Variants in SLC8A1 observed in about 807,000 individuals in gnomAD.
The protein encoded by SLC8A1 is sodium/calcium exchanger 1.
A neutral mutation model predicts 68.3 loss-of-function variants in SLC8A1; 18 were observed. The observed-to-expected ratio is 0.26, with a 90% confidence interval of 0.18 to 0.39. The LOEUF (loss-of-function observed/expected upper bound fraction) is 0.39, where lower values mean the gene tolerates loss of function less well. Ranked by LOEUF, SLC8A1 falls within the 10% of genes least tolerant of loss-of-function variation. The pLI is 1.00. For synonymous variants in SLC8A1, 475 were observed against 415.5 expected (o/e 1.14, Z -1.74); for missense variants, 985 against 1,156.7 (o/e 0.85, Z 2.15).
At chr2:40,158,478 G>A (rs1311557126) in intron 6 of SLC8A1, among the ~76,000 whole-genome samples, 4 of 152,100 alleles carry the variant, frequency 2.6e-5, no homozygotes, top group Non-Finnish European at 4.4e-5. Context: ...ATTTCCAAGC[G>A]GTCATTTAGA....
At position 40,317,021 on chromosome 2, in the gene SLC8A1, GGAGT is replaced by G. The variant is rs1312687837; in HGVS notation, c.1808+111448_1808+111451del. On this transcript the variant is annotated intron_variant, in intron 2 of 7. Transcript: ENST00000406785. ...ATTTTTCTACTTTGTTCACTCATAC[GGAGT>G]AAGTGCTCAAAAATTGTGTTAAACT... Among the ~76,000 whole-genome samples, 4 of 152,056 alleles carry G rather than the reference GGAGT, an allele frequency of 2.6e-5. No individual in the cohort carries two copies. The South Asian group carries it at 8.3e-4, about 32-fold the overall frequency.
At chr2:40,194,506 T>TGTGTGTGTGTGCGC (rs963279052) in intron 2 of SLC8A1, among the ~76,000 whole-genome samples, 19 of 131,932 alleles carry the variant, frequency 1.4e-4, no homozygotes, top group African/African-American at 5.1e-4. Flanking sequence ...TGTGTGTGTG[T>TGTGTGTGTGTGCGC]GCGCGCGCAA....
At chr2:40,284,669 T>TATATAA (rs994227529) in intron 2 of SLC8A1, among the ~76,000 whole-genome samples, 7 of 149,724 alleles carry the variant, frequency 4.7e-5, no homozygotes, top group African/African-American at 1.7e-4. Flanking sequence ...TAAATATATA[T>TATATAA]ATACACACAC....
intron 2 of SLC8A1, among the ~76,000 whole-genome samples, chr2:40,290,737 C>G (rs2069159888): frequency 6.6e-6 from 1 of 152,088 alleles, no homozygotes; most frequent in Non-Finnish European, 1.5e-5. Flanking sequence ...ATTACTACAG[C>G]TATAATAATG....
chr2:40,237,617 T>G (rs2060576659), intron 2 of SLC8A1, among the ~76,000 whole-genome samples: 1 of 152,166 alleles, frequency 6.6e-6, no homozygotes, highest in Admixed American at 6.5e-5. Context: ...TCAAAGTCAT[T>G]CTCCATCCAG....
chr2:40,284,418 G>GATCTATAT (rs926994780), intron 2 of SLC8A1, among the ~76,000 whole-genome samples: 1 of 144,062 alleles, frequency 6.9e-6, no homozygotes. Context: ...TATATAGAGA[G>GATCTATAT]ATCTATATAT....
At chr2:40,441,017 T>C (rs1700369484) in intron 1 of SLC8A1, among the ~76,000 whole-genome samples, 2 of 152,292 alleles carry the variant, frequency 1.3e-5, no homozygotes, top group African/African-American at 2.4e-5. Context: ...CATAATTCTA[T>C]ATTTAGAAAA....
intron 2 of SLC8A1, among the ~76,000 whole-genome samples, chr2:40,278,811 T>G (rs1000080161): frequency 9.2e-5 from 14 of 152,176 alleles, no homozygotes; most frequent in African/African-American, 3.4e-4. Context: ...CCACTTGACA[T>G]CTAAACTCTT....
rs146781162 is a variant in SLC8A1, at chr2:40,349,394, G to A, written c.1808+79079C>T. Among the ~76,000 whole-genome samples the A allele has an allele frequency of 9.2e-5, 14 of 152,280 alleles. No homozygotes were observed. In the East Asian group the frequency reaches 2.7e-3, roughly 29 times the overall value. On this transcript the variant is annotated intron_variant, in intron 2 of 7. Transcript: ENST00000406785. ...TGATTTAAGGATTTCTGTGGAAAAT[G>A]TTATTTCAAAAAAATACTTCTGAGG...
intron 1 of SLC8A1, among the ~76,000 whole-genome samples, chr2:40,472,928 T>G (rs1433368480): frequency 2.0e-5 from 3 of 152,146 alleles, no homozygotes; most frequent in African/African-American, 7.2e-5. Flanking sequence ...CTCTAGAGAC[T>G]GTCAAGTTTA....
chr2:40,511,705 C>A (rs1706736467), intron 1 of SLC8A1, among the ~76,000 whole-genome samples: 1 of 151,994 alleles, frequency 6.6e-6, no homozygotes, highest in Admixed American at 6.6e-5. Flanking sequence ...AGAAAGAAGA[C>A]AAAATTTTAA....
intron 2 of SLC8A1, among the ~76,000 whole-genome samples, chr2:40,361,786 A>G (rs1426047775): frequency 2.0e-5 from 3 of 151,878 alleles, no homozygotes; most frequent in East Asian, 3.9e-4. Context: ...TCTAATATAA[A>G]TGAGAAATAA....
intron 2 of SLC8A1, among the ~76,000 whole-genome samples, chr2:40,399,779 T>G (rs1009579649): frequency 6.6e-6 from 1 of 152,092 alleles, no homozygotes; most frequent in Admixed American, 6.5e-5. Context: ...ACCACCATCT[T>G]TCTAAATTCC....
At chr2:40,118,375 C>CT (rs1340937218) in intron 7 of SLC8A1, 1 of 152,158 alleles carries the variant, frequency 6.6e-6, no homozygotes, top group Admixed American at 6.5e-5. Context: ...ACCAAATGCT[C>CT]TTTACTGTAT....
At chr2:40,374,107 C>T (rs1679032169) in intron 2 of SLC8A1, among the ~76,000 whole-genome samples, 1 of 152,000 alleles carries the variant, frequency 6.6e-6, no homozygotes, top group African/African-American at 2.4e-5. Context: ...AACCACACAA[C>T]CAGGAAAAAA....
chr2:40,374,652 G>A (rs1333507784), intron 2 of SLC8A1, among the ~76,000 whole-genome samples: 1 of 151,924 alleles, frequency 6.6e-6, no homozygotes, highest in African/African-American at 2.4e-5. Flanking sequence ...CAAGGTGATG[G>A]TGGCAGACAG....
chr2:40,452,488 C>A (rs1702684200), upstream of SLC8A1, among the ~76,000 whole-genome samples: 1 of 152,178 alleles, frequency 6.6e-6, no homozygotes, highest in African/African-American at 2.4e-5. Flanking sequence ...CACACAGGCG[C>A]TGCAACTTTT....
chr2:40,128,351 T>A (rs1466024270), intron 7 of SLC8A1, among the ~76,000 whole-genome samples: 1 of 152,212 alleles, frequency 6.6e-6, no homozygotes, highest in African/African-American at 2.4e-5. Context: ...AGCAACAATG[T>A]GTCATTCTTT....
rs1048922258 is a variant in SLC8A1 at position 40,099,564 on chromosome 2, C to T, written c.*15689G>A. On this transcript the variant is annotated 3_prime_UTR_variant, in exon 8 of 8. Coordinates refer to ENST00000406785, the Ensembl canonical transcript of SLC8A1. ...TCCCTTCTACCTGCCCCCTGTCAGT[C>T]TTTGAAGGTCATTTGTGATGGGTCC... is the stretch of plus-strand genomic sequence containing the variant. 5 of 152,128 alleles carry T rather than the reference C, an allele frequency of 3.3e-5. 1 individual carries two copies. In the South Asian group the frequency reaches 1.0e-3, roughly 32 times the overall value. 9.4% of individuals were successfully genotyped at this position (152,128 alleles called of 1,614,324 possible).
Sources: allele counts gnomAD v4.1 joint callset (sites outside exome capture counted in the v4.1 genomes callset), GRCh38; gene constraint gnomAD v4.1.1; transcripts MANE v1.5; gene names NCBI Gene and HGNC (gene_info 2026-07-23, HGNC 2026-07-21).